Variants in MEI1 observed in about 807,000 individuals in gnomAD.
MEI1 encodes meiosis inhibitor protein 1.
In MEI1, 103 loss-of-function variants were observed where a neutral mutation model predicts 146.2. The ratio of observed to expected loss-of-function variants is 0.70; its 90% CI spans 0.60 to 0.83. MEI1 has a LOEUF of 0.83. Ranked by LOEUF, MEI1 falls within the 40% of genes least tolerant of loss-of-function variation. MEI1 has a pLI of 0.00. For synonymous variants in MEI1, 652 were observed against 628.2 expected, an observed-to-expected ratio of 1.04 and a Z score of -0.57; for missense variants, 1,529 against 1,533.0, an observed-to-expected ratio of 1.00 and a Z score of 0.04.
chr22:41,778,616 G>C, intron 21 of MEI1, 92 bp from the exon 22 acceptor site: 2 of 947,146 alleles, frequency 2.1e-6, no homozygotes, highest in Non-Finnish European at 3.3e-6. Context: ...CTTTGAACCT[G>C]TTATTAAGGG....
At chr22:41,796,955 C>A (rs1323944785) in intron 30 of MEI1, among the ~76,000 whole-genome samples, 1 of 151,948 alleles carries the variant, frequency 6.6e-6, no homozygotes, top group Non-Finnish European at 1.5e-5. Flanking sequence ...AGAAAAAAAA[C>A]AAAAAATTTT....
intron 19 of MEI1, among the ~76,000 whole-genome samples, chr22:41,768,941 A>G (rs1056106614): frequency 1.3e-5 from 2 of 152,240 alleles, no homozygotes; most frequent in African/African-American, 4.8e-5. Flanking sequence ...TAAAAATCTA[A>G]ATTAACAGAC....
chr22:41,758,306 C>T, intron 17 of MEI1, 59 bp from the exon 18 acceptor site: 4 of 1,527,342 alleles, frequency 2.6e-6, no homozygotes, highest in Non-Finnish European at 3.6e-6. Flanking sequence ...TACTAATGTG[C>T]TGATTACCTG....
At chr22:41,784,317 C>A in intron 24 of MEI1, 22 bp from the exon 25 acceptor site, 1 of 1,609,386 alleles carries the variant, frequency 6.2e-7, no homozygotes, top group Non-Finnish European at 8.5e-7. Flanking sequence ...GGGGGTTAGC[C>A]CTTTACCCTG....
intron 22 of MEI1, among the ~76,000 whole-genome samples, chr22:41,780,553 T>C (rs143438785): frequency 1.1e-3 from 165 of 151,056 alleles, no homozygotes; most frequent in Non-Finnish European, 2.0e-3. Context: ...AAGGGGGAGA[T>C]GAACTTTGAG....
At chr22:41,730,809 A>C (rs921476057) in intron 9 of MEI1, among the ~76,000 whole-genome samples, 172 bp downstream of exon 9, 1 of 152,114 alleles carries the variant, frequency 6.6e-6, no homozygotes, top group South Asian at 2.1e-4. Context: ...TTGATATCCA[A>C]ATGTTCTGCT....
intron 20 of MEI1, among the ~76,000 whole-genome samples, chr22:41,771,324 G>C (rs2075171600): frequency 6.6e-6 from 1 of 152,240 alleles, no homozygotes; most frequent in African/African-American, 2.4e-5. Flanking sequence ...CATGGGGCAT[G>C]TAGATGGACA....
rs200019933 is a variant in MEI1 at position 41,703,497 on chromosome 22, G to A, written c.298+43G>A. 8 of 1,496,400 alleles carry A rather than the reference G, an allele frequency of 5.3e-6. No homozygotes were observed. The South Asian group carries it at 6.7e-5, about 12-fold the overall frequency. 92.7% of individuals were successfully genotyped at this position (1,496,400 alleles called of 1,614,324 possible). A position where few individuals can be genotyped will look rare whatever the true frequency, so the allele number is the denominator to read the frequency against. On this transcript the variant is annotated intron_variant, in intron 2 of 30. Coordinates refer to ENST00000401548, the MANE Select transcript of MEI1 (RefSeq NM_152513.4). The stretch of plus-strand genomic sequence containing the variant: ...ATTTGACATGAGTTTTGAATGTATA[G>A]TATGTATATCTGCTTTTGGGGCTCT...
chr22:41,795,982 G>A lies in MEI1; in HGVS notation c.3779+135G>A. 1 of 1,611,482 alleles carries A rather than the reference G, an allele frequency of 6.2e-7. No individual in the cohort carries two copies. Among genetic ancestry groups the A allele is most frequent in the Non-Finnish European group, 8.5e-7 (1 of 1,179,356 alleles). On this transcript the variant is annotated intron_variant, in intron 30 of 30. Transcript: ENST00000401548. The surrounding 1 kb of genome is among the most constrained non-coding windows in gnomAD (Gnocchi z 4.2). ...GAAGAGGTGGGTGATGTTCTGCAAG[G>A]TGTGGCTTTGGCTGACCTGTCTTGG...
chr22:41,751,571 G>A (rs549767116), intron 15 of MEI1, among the ~76,000 whole-genome samples: 12 of 150,266 alleles, frequency 8.0e-5, no homozygotes, highest in Non-Finnish European at 1.6e-4. Flanking sequence ...CCTGAGGTCC[G>A]ATACCAGCCT....
At chr22:41,709,509 G>A (rs17002623) in intron 3 of MEI1, 5 of 601,896 alleles carry the variant, frequency 8.3e-6, no homozygotes, top group African/African-American at 5.5e-5. Flanking sequence ...CGACGGCAGC[G>A]GGATGTAGGT....
chr22:41,732,537 A>T lies in MEI1; in HGVS notation c.1265A>T (p.Glu422Val). The change falls in exon 11 of 31, where the codon GAA becomes GTA. Residue 422 changes from glutamate (E) to valine (V), a missense_variant. Transcript: ENST00000401548. ...AGAGATGCTGGCCGTGCCCTCCAAG[A>T]AGCAGTTAGCAGCCCTGTGCTGGAG... Reference protein sequence around the residue: ...MCRDAGRALQEAVSSPVLEVA... With the variant: ...MCRDAGRALQVAVSSPVLEVA... The T allele has an allele frequency of 6.2e-7, 1 of 1,613,802 alleles. No homozygotes were observed.
At chr22:41,789,713 A>C (rs936372980) in intron 26 of MEI1, among the ~76,000 whole-genome samples, 15 of 152,066 alleles carry the variant, frequency 9.9e-5, no homozygotes, top group African/African-American at 3.6e-4. Context: ...TAGGGACCTC[A>C]TGTAAGTGGA....
At chr22:41,731,007 T>G (rs1274722195) in intron 9 of MEI1, among the ~76,000 whole-genome samples, 2 of 152,054 alleles carry the variant, frequency 1.3e-5, no homozygotes, top group African/African-American at 2.4e-5. Context: ...TTTTGCTAAT[T>G]TATTCTTTCA....
chr22:41,772,074 G>A (rs1047771099), intron 20 of MEI1, among the ~76,000 whole-genome samples: 1 of 152,066 alleles, frequency 6.6e-6, no homozygotes, highest in Non-Finnish European at 1.5e-5. Flanking sequence ...AGATGGTCTA[G>A]CCTACTACAC....
At chr22:41,781,925 C>G (rs959328387) in intron 24 of MEI1, 80 bp downstream of exon 24, 3 of 1,506,894 alleles carry the variant, frequency 2.0e-6, no homozygotes, top group Admixed American at 1.8e-5. Flanking sequence ...CTGGTCCCAG[C>G]TCTGGGGGCT....
intron 4 of MEI1, among the ~76,000 whole-genome samples, chr22:41,714,982 T>A (rs1601688805): frequency 6.6e-6 from 1 of 152,326 alleles, no homozygotes; most frequent in East Asian, 1.9e-4. Flanking sequence ...GGAAAACAAA[T>A]GTTTATCTTG....
rs772666719 is a variant in MEI1 at position 41,758,416 on chromosome 22, G to A, written c.2003G>A (p.Ser668Asn). Residue 668 changes from serine to asparagine, a missense_variant, in exon 18 of 31, where the codon AGC becomes AAC. Around this residue, in one of 3 missense-constraint regions of MEI1, gnomAD observed 1,212 missense variants for 1,178.9 expected, o/e 1.03. Coordinates refer to ENST00000401548, the MANE Select transcript of MEI1 (RefSeq NM_152513.4). Reference protein sequence around the residue: ...LLQHGLPQISSRSPESLAFLS... With the variant: ...LLQHGLPQISNRSPESLAFLS... ...CAGCATGGGCTGCCCCAGATAAGCAGCAGGAGCCCTGAAAGCCTTGCCTTC... is the reference window on the plus strand; with the variant it reads ...CAGCATGGGCTGCCCCAGATAAGCAACAGGAGCCCTGAAAGCCTTGCCTTC... 1.2e-6 allele frequency: 2 copies of A among 1,613,808 alleles called. No individual in the cohort carries two copies. Among genetic ancestry groups the A allele is most frequent in the Admixed American group, 1.7e-5 (1 of 60,002 alleles).
chr22:41,763,025 TATA>T (rs2074598650), intron 18 of MEI1, 146 bp from the exon 19 acceptor site: 1 of 767,226 alleles, frequency 1.3e-6, no homozygotes. Context: ...TGTAAGTATG[TATA>T]GCACACTGTT....
Sources: allele counts gnomAD v4.1 joint callset (sites outside exome capture counted in the v4.1 genomes callset), GRCh38; gene constraint gnomAD v4.1.1; regional missense constraint gnomAD v4.1.1; non-coding constraint Gnocchi (gnomAD v3.1); transcripts MANE v1.5; gene names NCBI Gene and HGNC (gene_info 2026-07-23, HGNC 2026-07-21).